NF1: variants seen among roughly 807,000 people sequenced by gnomAD.
NF1 encodes neurofibromin.
NF1 carries 122 observed loss-of-function variants against 325.7 expected under a neutral mutation model. That is an observed-to-expected ratio of 0.37 (90% CI 0.32 to 0.44). NF1 has a LOEUF of 0.44. Among genes scored for constraint, NF1 ranks in the 20% least tolerant of loss-of-function variants. The pLI is 1.00. For synonymous variants in NF1, 1,091 were observed against 1,186.0 expected (o/e 0.92, Z 1.65); for missense variants, 2,140 against 3,415.4 (o/e 0.63, Z 9.31).
intron 1 of NF1, among the ~76,000 whole-genome samples, chr17:31,138,698 A>T (rs751638829): frequency 6.6e-6 from 1 of 151,054 alleles, no homozygotes; most frequent in Non-Finnish European, 1.5e-5. Context: ...GGTTCACGCA[A>T]TTCTTCTGCC....
At chr17:31,148,062 T>A (rs1405885271) in intron 1 of NF1, among the ~76,000 whole-genome samples, 3 of 152,208 alleles carry the variant, frequency 2.0e-5, no homozygotes, top group Non-Finnish European at 4.4e-5. Flanking sequence ...TAGCTCACTC[T>A]TTTTGGAATC....
intron 36 of NF1, chr17:31,272,182 T>A (rs1446843247): frequency 3.3e-5 from 5 of 152,250 alleles, no homozygotes; most frequent in Non-Finnish European, 4.4e-5. Flanking sequence ...CTAGCATGCT[T>A]GTCATTCAGC....
rs113867817 is a variant in NF1 at position 31,221,860 on chromosome 17, T to C, written c.1652T>C (p.Val551Ala). 3 of 1,605,674 alleles carry C rather than the reference T, an allele frequency of 1.9e-6. No individual in the cohort carries two copies. Among genetic ancestry groups the C allele is most frequent in the Non-Finnish European group, 2.5e-6 (3 of 1,178,574 alleles). ...IAQEAMEALL[V>A]LHQLDSIDLW... ...TTTTAAAAAATTCAGGCTCTGCTGG[T>C]TCTTCATCAGTTAGATAGCATTGAT... Residue 551 changes from valine (V) to alanine (A), a missense_variant, in exon 15 of 58, where the codon GTT (valine) becomes GCT (alanine). By Grantham distance (64) the Val-to-Ala change is moderately conservative. This residue lies in a region of NF1 where 179 missense variants were observed against 381.0 expected (regional missense o/e 0.47). Coordinates refer to ENST00000358273, the MANE Select transcript of NF1 (RefSeq NM_001042492.3).
At chr17:31,190,388 C>G (rs1364786713) in intron 8 of NF1, among the ~76,000 whole-genome samples, 1 of 152,142 alleles carries the variant, frequency 6.6e-6, no homozygotes, top group East Asian at 1.9e-4. Flanking sequence ...TATTCAAATG[C>G]AAAATATACA....
At chr17:31,138,153 A>G (rs1915915281) in intron 1 of NF1, 2 of 151,872 alleles carry the variant, frequency 1.3e-5, no homozygotes, top group South Asian at 4.2e-4. Flanking sequence ...CACATGTTGG[A>G]ATTGATTACT....
chr17:31,316,052 A>G (rs1050837534), intron 36 of NF1, among the ~76,000 whole-genome samples: 23 of 152,038 alleles, frequency 1.5e-4, no homozygotes, highest in Admixed American at 3.9e-4. Flanking sequence ...ACATGCTACT[A>G]TGCTCGCTGG....
chr17:31,169,348 A>G (rs2065895732), intron 4 of NF1, among the ~76,000 whole-genome samples: 1 of 152,198 alleles, frequency 6.6e-6, no homozygotes, highest in African/African-American at 2.4e-5. Flanking sequence ...CCTCAATCTT[A>G]AGGATAAGGA....
In NF1 at chr17:31,227,271, C is replaced by T. The variant is rs2067031963; in HGVS notation, c.2305C>T (p.Pro769Ser). ...GGCACTGCTGAGGCGCATTGAGCAT[C>T]CCACTGCAGGAAACACTGAGGTATG... ...VMALLRRIEH[P>S]TAGNTEAWED... The change falls in exon 19 of 58, where the codon CCC becomes TCC. Residue 769 changes from proline (P) to serine (S), a missense_variant. Transcript: ENST00000358273. 6.2e-7 allele frequency: 1 copy of T among 1,613,652 alleles called. No homozygotes were observed. The highest frequency in any genetic ancestry group is 8.5e-7 in the Non-Finnish European group (1 of 1,179,676).
intron 1 of NF1, among the ~76,000 whole-genome samples, chr17:31,140,222 T>C (rs1026013852): frequency 1.1e-4 from 17 of 152,196 alleles, no homozygotes; most frequent in African/African-American, 4.1e-4. Context: ...TCAAGGAAGC[T>C]TACTGCTGTG....
chr17:31,260,579 T>C (rs1247794037), intron 34 of NF1, 64 bp downstream of exon 34: 9 of 1,568,092 alleles, frequency 5.7e-6, no homozygotes, highest in African/African-American at 4.1e-5. Flanking sequence ...AATACAATTA[T>C]TGGTCATGAA....
chr17:31,146,409 GTCCATCCATCCATCCATCCATCCATCCA>G (rs112178514), intron 1 of NF1, among the ~76,000 whole-genome samples: 1 of 148,514 alleles, frequency 6.7e-6, no homozygotes, highest in Non-Finnish European at 1.5e-5. Context: ...TAATCTGTCT[GTCCATCCATCCATCCATCCATCCATCCA>G]TCCATCCATC....
At chr17:31,358,931 C>T (rs1431714706) in intron 55 of NF1, 38 bp from the exon 56 acceptor site, 2 of 1,573,536 alleles carry the variant, frequency 1.3e-6, no homozygotes, top group Non-Finnish European at 1.7e-6. Context: ...TTAAAAGATA[C>T]CTTGCTTGTT....
chr17:31,134,801 C>T (rs1915641722), intron 1 of NF1, among the ~76,000 whole-genome samples: 1 of 152,188 alleles, frequency 6.6e-6, no homozygotes, highest in Admixed American at 6.5e-5. Context: ...CAGCTGACGT[C>T]TCCCAGAGTG....
chr17:31,200,186 G>C (rs530672892), intron 8 of NF1, among the ~76,000 whole-genome samples: 1 of 151,306 alleles, frequency 6.6e-6, no homozygotes, highest in Admixed American at 6.6e-5. Context: ...GGGAAGGACT[G>C]TTTTTTGTAT....
intron 48 of NF1, among the ~76,000 whole-genome samples, chr17:31,345,158 C>T (rs1442008319): frequency 6.6e-6 from 1 of 152,060 alleles, no homozygotes; most frequent in African/African-American, 2.4e-5. Context: ...CAGATACTTT[C>T]CATGTTCAAA....
intron 51 of NF1, among the ~76,000 whole-genome samples, chr17:31,355,315 G>T (rs1020222083): frequency 4.6e-5 from 7 of 152,134 alleles, no homozygotes; most frequent in Admixed American, 2.6e-4. Flanking sequence ...TCTGGTCATT[G>T]TCTAGATCCC....
intron 1 of NF1, among the ~76,000 whole-genome samples, chr17:31,097,852 G>A (rs1279273368): frequency 3.9e-5 from 6 of 151,930 alleles, no homozygotes; most frequent in Admixed American, 1.3e-4. Context: ...GTGCACCATC[G>A]TGCCTGGCTA....
At chr17:31,215,632 C>T (rs531203441) in intron 13 of NF1, among the ~76,000 whole-genome samples, 1 of 152,154 alleles carries the variant, frequency 6.6e-6, no homozygotes. Flanking sequence ...TAATAAGATA[C>T]AATTTAACAC....
intron 39 of NF1, among the ~76,000 whole-genome samples, chr17:31,334,044 T>C (rs1204486855): frequency 6.6e-6 from 1 of 152,180 alleles, no homozygotes. Flanking sequence ...CCCAGCACTT[T>C]GGGAGGCCGA....
Sources: gnomAD v4.1 joint callset for allele counts (sites outside exome capture counted in the v4.1 genomes callset) on GRCh38, gnomAD v4.1.1 for gene constraint, gnomAD v4.1.1 regional missense constraint, MANE v1.5 for transcripts, NCBI Gene and HGNC (gene_info 2026-07-23, HGNC 2026-07-21) for gene names.